The following TBC1D2 variants were observed in gnomAD, a reference collection of about 807,000 sequenced individuals.
TBC1D2 encodes the protein TBC1 domain family member 2A.
TBC1D2 carries 58 observed loss-of-function variants against 91.1 expected under a neutral mutation model. The ratio of observed to expected loss-of-function variants is 0.64; its 90% confidence interval spans 0.52 to 0.79. TBC1D2 has a LOEUF of 0.79. Among genes scored for constraint, TBC1D2 ranks in the 30% least tolerant of loss-of-function variants. TBC1D2 has a pLI of 0.00. For missense variants in TBC1D2, 1,080 were observed against 1,208.3 expected (o/e 0.89, Z 1.57); for synonymous variants, 482 against 511.5 (o/e 0.94, Z 0.78).
intron 3 of TBC1D2, among the ~76,000 whole-genome samples, chr9:98,237,490 G>A (rs910183395): frequency 6.6e-6 from 1 of 152,022 alleles, no homozygotes. Flanking sequence ...ATTGGGAAGA[G>A]TGCGTCTTCA....
rs191727952 is a variant in TBC1D2 at position 98,246,512 on chromosome 9, T to G, written c.512-2383A>C. On this transcript the variant is annotated intron_variant, in intron 2 of 12. Transcript: ENST00000465784. Reference sequence around the variant, plus strand: ...ATGAATCCTCTCACCAAACACAGACTGGGTGTTTACCCTGAGGCTTGTGAG... The same window carrying G: ...ATGAATCCTCTCACCAAACACAGACGGGGTGTTTACCCTGAGGCTTGTGAG... Among the ~76,000 whole-genome samples, 208 of 152,240 alleles carry G rather than the reference T, an allele frequency of 1.4e-3. 1 individual carries two copies. The highest frequency in any genetic ancestry group is 4.3e-3 in the African/African-American group (180 of 41,534).
At chr9:98,227,374 T>C (rs2119114223) in intron 5 of TBC1D2, among the ~76,000 whole-genome samples, 1 of 152,320 alleles carries the variant, frequency 6.6e-6, no homozygotes, top group Non-Finnish European at 1.5e-5. Flanking sequence ...AATAAAAATT[T>C]GGTGAATAAA....
chr9:98,221,967 G>A (rs1829112478), intron 5 of TBC1D2, among the ~76,000 whole-genome samples: 1 of 152,154 alleles, frequency 6.6e-6, no homozygotes, highest in African/African-American at 2.4e-5. Context: ...GGACTCAAAT[G>A]ATCTGCCCAC....
intron 6 of TBC1D2, among the ~76,000 whole-genome samples, chr9:98,217,991 C>T (rs1455134249): frequency 6.6e-6 from 1 of 152,094 alleles, no homozygotes; most frequent in Non-Finnish European, 1.5e-5. Context: ...GCTGGGACTA[C>T]AGGCACGTGC....
chr9:98,244,679 A>G (rs1412482435), intron 2 of TBC1D2, among the ~76,000 whole-genome samples: 1 of 151,088 alleles, frequency 6.6e-6, no homozygotes, highest in Non-Finnish European at 1.5e-5. Context: ...AAAAAAAAAA[A>G]AAAAGGCAGA....
chr9:98,212,632 G>C (rs1411080160), intron 7 of TBC1D2, among the ~76,000 whole-genome samples: 1 of 152,140 alleles, frequency 6.6e-6, no homozygotes, highest in African/African-American at 2.4e-5. Context: ...CTCCCGGGTG[G>C]CCGGGACTGC....
intron 6 of TBC1D2, among the ~76,000 whole-genome samples, chr9:98,217,376 T>TGG (rs1828996374): frequency 6.6e-6 from 1 of 152,254 alleles, no homozygotes; most frequent in Non-Finnish European, 1.5e-5. Context: ...GGCCTGGGCA[T>TGG]GGGAGGCCAG....
intron 3 of TBC1D2, among the ~76,000 whole-genome samples, chr9:98,234,374 G>C (rs1297987874): frequency 3.3e-5 from 5 of 152,134 alleles, no homozygotes; most frequent in African/African-American, 1.2e-4. Context: ...TAATGAGCTG[G>C]ATGTAAAAAC....
Position 98,199,454 on chromosome 9 carries a change from T to C in TBC1D2, c.2714A>G (p.Glu905Gly). The C allele has an allele frequency of 3.1e-6, 5 of 1,614,018 alleles. No homozygotes were observed. Among genetic ancestry groups the C allele is most frequent in the Non-Finnish European group, 4.2e-6 (5 of 1,180,004 alleles). The change falls in exon 13 of 13, where the codon GAG (glutamate) becomes GGG (glycine). Residue 905 changes from glutamate (E) to glycine (G), a missense_variant. By Grantham distance (98) the Glu-to-Gly change is moderately conservative. Transcript: ENST00000465784. The stretch of plus-strand genomic sequence containing the variant: ...AGCTCTGCGCCGGGATGCCCGCCTC[T>C]CCAGGTACTCTGCCTTAAGCTGCTC... Reference protein sequence around the residue: ...ELEQLKAEYLERRASRRRAVS... With the variant: ...ELEQLKAEYLGRRASRRRAVS...
intron 9 of TBC1D2, among the ~76,000 whole-genome samples, chr9:98,203,959 C>T (rs1041731242): frequency 1.3e-5 from 2 of 152,152 alleles, no homozygotes; most frequent in Admixed American, 1.3e-4. Context: ...TGAGACAGAC[C>T]TACCTTGCCT....
chr9:98,207,835 G>A (rs1392783326), intron 9 of TBC1D2, among the ~76,000 whole-genome samples: 2 of 152,202 alleles, frequency 1.3e-5, no homozygotes, highest in African/African-American at 2.4e-5. Context: ...GGCATCCCAG[G>A]ACTGTGGCAT....
chr9:98,199,457 A>G lies in TBC1D2; in HGVS notation c.2711T>C (p.Leu904Pro), dbSNP rs1224035351. ...RELEQLKAEY[L>P]ERRASRRRAV... ...TCTGCGCCGGGATGCCCGCCTCTCC[A>G]GGTACTCTGCCTTAAGCTGCTCCAG... Residue 904 changes from leucine (L) to proline (P), a missense_variant, in exon 13 of 13, where the codon CTG becomes CCG. Leu to Pro is a moderately conservative substitution (Grantham distance 98). Transcript: ENST00000465784. 6.2e-7 allele frequency: 1 copy of G among 1,614,092 alleles called. No individual in the cohort carries two copies. Among genetic ancestry groups the G allele is most frequent in the Admixed American group, 1.7e-5 (1 of 60,028 alleles).
rs1828726853 is a variant in TBC1D2 at position 98,208,759 on chromosome 9, G to A, written c.2059C>T (p.Pro687Ser). ...TFPNNKHFTC[P>S]TSSFPDKLRR... is the part of the protein sequence containing the mutation. ...AGCTTGTCGGGGAAGCTGGAGGTGG[G>A]GCAGGTGAAGTGTTTGTTGTTGGGG... The change falls in exon 9 of 13, where the codon CCC (proline) becomes TCC (serine). Residue 687 changes from proline (P) to serine (S), a missense_variant. Coordinates refer to ENST00000465784, the MANE Select transcript of TBC1D2 (RefSeq NM_001267571.2). 1 of 1,572,140 alleles carries A rather than the reference G, an allele frequency of 6.4e-7. No homozygotes were observed. The highest frequency in any genetic ancestry group is 8.7e-7 in the Non-Finnish European group (1 of 1,154,620).
At chr9:98,221,557 C>T (rs1829102630) in intron 5 of TBC1D2, among the ~76,000 whole-genome samples, 1 of 152,168 alleles carries the variant, frequency 6.6e-6, no homozygotes, top group African/African-American at 2.4e-5. Context: ...TCCTCTGGTC[C>T]AGTTCTCTTT....
chr9:98,240,166 GGTGTGTGTGTGT>G (rs60630078), intron 3 of TBC1D2, among the ~76,000 whole-genome samples: 1 of 137,972 alleles, frequency 7.2e-6, no homozygotes, highest in Non-Finnish European at 1.7e-5. Flanking sequence ...GTGTTTGTGT[GGTGTGTGTGTGT>G]GTGTGTGTGT....
intron 4 of TBC1D2, among the ~76,000 whole-genome samples, chr9:98,233,059 G>GTCC (rs1326152152): frequency 6.6e-6 from 1 of 152,166 alleles, no homozygotes; most frequent in African/African-American, 2.4e-5. Flanking sequence ...ATGTCATGAG[G>GTCC]GTGGAGCCCC....
At chr9:98,247,572 C>CA (rs563958846) in intron 2 of TBC1D2, among the ~76,000 whole-genome samples, 84 of 151,226 alleles carry the variant, frequency 5.6e-4, no homozygotes, top group African/African-American at 1.9e-3. Context: ...AATAAAAATA[C>CA]AAAAAAATTA....
In TBC1D2 at chr9:98,255,357, C is replaced by G; in HGVS notation, c.185G>C (p.Arg62Pro). 1 of 1,614,240 alleles carries G rather than the reference C, an allele frequency of 6.2e-7. No individual in the cohort carries two copies. Among genetic ancestry groups the G allele is most frequent in the East Asian group, 2.2e-5 (1 of 44,886 alleles). The change falls in exon 1 of 13, where the codon CGG (arginine) becomes CCG (proline). Residue 62 changes from arginine (R) to proline (P), a missense_variant. Physicochemically the swap from Arg to Pro is moderately radical, Grantham distance 103. Transcript: ENST00000465784. ...LSKFGGKGPI[R>P]GWKSRWFFYD... is the part of the protein sequence containing the mutation. Reference sequence around the variant, plus strand: ...GAAGAACCAGCGGGATTTCCAGCCCCGGATGGGCCCTTTGCCGCCGAACTT... The same window carrying G: ...GAAGAACCAGCGGGATTTCCAGCCCGGGATGGGCCCTTTGCCGCCGAACTT...
At chr9:98,203,546 A>T in intron 9 of TBC1D2, 138 bp from the exon 10 acceptor site, 1 of 1,308,100 alleles carries the variant, frequency 7.6e-7, no homozygotes, top group South Asian at 1.5e-5. Flanking sequence ...CCCTAACCAG[A>T]TTTGTGCTCC....
Sources: gnomAD v4.1 joint callset for allele counts (sites outside exome capture counted in the v4.1 genomes callset) on GRCh38, gnomAD v4.1.1 for gene constraint, MANE v1.5 for transcripts, NCBI Gene and HGNC (gene_info 2026-07-23, HGNC 2026-07-21) for gene names.